Variants in TRAP1 observed in about 807,000 individuals in gnomAD.
The protein encoded by TRAP1 is heat shock protein 75 kDa, mitochondrial.
Under a neutral mutation model 89.1 loss-of-function variants are expected in TRAP1, and 102 were observed. The observed-to-expected ratio is 1.15, with a 90% CI of 0.98 to 1.35. TRAP1 has a LOEUF of 1.35. TRAP1 is among the 40% of genes most tolerant of loss of function. The pLI is 0.00. For synonymous variants in TRAP1, 508 were observed against 388.0 expected, an observed-to-expected ratio of 1.31 and a Z score of -3.64; for missense variants, 1,256 against 945.3, an observed-to-expected ratio of 1.33 and a Z score of -4.31.
At position 3,706,050 on chromosome 16, in the gene TRAP1, G is replaced by A. The variant is rs926636672; in HGVS notation, c.88+11371C>T. ...CTCACTCTGCAGTGGTGTAATCTCC[G>A]CTCACTGCAACCTCCAATTCCCAGG... On this transcript the variant is annotated intron_variant, in intron 1 of 17. Transcript: ENST00000246957. 6.1e-5 allele frequency among the ~76,000 whole-genome samples: 9 copies of A among 148,418 alleles called. No individual in the cohort carries two copies. The East Asian group carries it at 1.6e-3, about 26-fold the overall frequency.
chr16:3,715,570 G>A (rs868845624), intron 1 of TRAP1, among the ~76,000 whole-genome samples: 52 of 152,162 alleles, frequency 3.4e-4, no homozygotes, highest in African/African-American at 1.2e-3. Context: ...GTGGACGCGA[G>A]ACCACAAACG....
At chr16:3,717,097 T>A (rs2051607574) in intron 1 of TRAP1, among the ~76,000 whole-genome samples, 1 of 152,220 alleles carries the variant, frequency 6.6e-6, no homozygotes, top group Non-Finnish European at 1.5e-5. Context: ...CGGCTCCACC[T>A]GCACGTGCGC....
chr16:3,685,556 C>T (rs1416410163), intron 4 of TRAP1, among the ~76,000 whole-genome samples: 1 of 152,082 alleles, frequency 6.6e-6, no homozygotes, highest in Non-Finnish European at 1.5e-5. Context: ...TCTCTCAGGG[C>T]CCCTACCTGA....
chr16:3,697,440 G>A (rs545260325), intron 1 of TRAP1, among the ~76,000 whole-genome samples: 2 of 152,056 alleles, frequency 1.3e-5, no homozygotes, highest in South Asian at 2.1e-4. Flanking sequence ...CGAGGCGGGA[G>A]GATCACGAGG....
chr16:3,676,114 C>T lies in TRAP1; in HGVS notation c.736G>A (p.Gly246Arg). The T allele has an allele frequency of 6.2e-7, 1 of 1,613,916 alleles. No homozygotes were observed. The highest frequency in any genetic ancestry group is 8.5e-7 in the Non-Finnish European group (1 of 1,179,920). Residue 246 changes from glycine (G) to arginine (R), a missense_variant, in exon 7 of 18, where the codon GGA becomes AGA. Transcript: ENST00000246957. Reference protein sequence around the residue: ...SGVFEIAEASGVRTGTKIIIH... With the variant: ...SGVFEIAEASRVRTGTKIIIH... ...ATGATTTTTGTCCCGGTTCTAACTCCCGAAGCTTCGGCGATTTCAAACACT... is the reference window on the plus strand; with the variant it reads ...ATGATTTTTGTCCCGGTTCTAACTCTCGAAGCTTCGGCGATTTCAAACACT...
intron 2 of TRAP1, among the ~76,000 whole-genome samples, chr16:3,690,375 TCTTTTTAACTTCAAAGATTCTA>T (rs2051197022): frequency 6.6e-6 from 1 of 152,182 alleles, no homozygotes; most frequent in African/African-American, 2.4e-5. Context: ...ACCTCACTTC[TCTTTTTAACTTCAAAGATTCTA>T]CTCTTGTCGA....
chr16:3,660,737 G>T (rs2043025248), intron 16 of TRAP1: 1 of 152,060 alleles, frequency 6.6e-6, no homozygotes, highest in South Asian at 2.1e-4. Flanking sequence ...AATGACAAAA[G>T]AAAAAAACTA....
At chr16:3,694,886 C>G (rs557259033) in intron 1 of TRAP1, among the ~76,000 whole-genome samples, 2 of 152,272 alleles carry the variant, frequency 1.3e-5, no homozygotes, top group Non-Finnish European at 2.9e-5. Flanking sequence ...GTCCTGGAAG[C>G]AAGAAGTCCA....
chr16:3,658,220 T>G lies in TRAP1; in HGVS notation c.2024A>C (p.Asn675Thr). 3 of 1,613,600 alleles carry G rather than the reference T, an allele frequency of 1.9e-6. No homozygotes were observed. Among genetic ancestry groups the G allele is most frequent in the Non-Finnish European group, 2.5e-6 (3 of 1,179,852 alleles). ...AACAAGTCCAGCAGCAATCATGGCG[T>G]TCTCGTATATCTGAAAGGCAAGAGG... Reference protein sequence around the residue: ...AQLLVDQIYENAMIAAGLVDD... With the variant: ...AQLLVDQIYETAMIAAGLVDD... Residue 675 changes from asparagine to threonine, a missense_variant, in exon 18 of 18, where the codon AAC becomes ACC. Physicochemically the swap from Asn to Thr is moderately conservative, Grantham distance 65 (BLOSUM62 0). Coordinates refer to ENST00000246957, the MANE Select transcript of TRAP1 (RefSeq NM_016292.3).
chr16:3,712,963 T>C (rs2051551734), intron 1 of TRAP1, among the ~76,000 whole-genome samples: 1 of 152,172 alleles, frequency 6.6e-6, no homozygotes, highest in African/African-American at 2.4e-5. Flanking sequence ...CCCTTGGTCC[T>C]AACTAAGCTG....
intron 1 of TRAP1, among the ~76,000 whole-genome samples, chr16:3,709,799 C>T (rs1194872218): frequency 6.6e-6 from 1 of 152,068 alleles, no homozygotes; most frequent in Admixed American, 6.6e-5. Flanking sequence ...TACAGGCATG[C>T]GCCACCACGC....
chr16:3,683,223 A>C (rs2051096010), intron 4 of TRAP1, among the ~76,000 whole-genome samples: 1 of 152,068 alleles, frequency 6.6e-6, no homozygotes, highest in South Asian at 2.1e-4. Context: ...AGAAACTGTC[A>C]CAGCCAAGAG....
At chr16:3,663,775 TAAAGA>T in intron 13 of TRAP1, 1 of 592,858 alleles carries the variant, frequency 1.7e-6, no homozygotes, top group South Asian at 2.1e-5. Context: ...ACTCCACGCA[TAAAGA>T]AATCCACATG....
At position 3,658,860 on chromosome 16, in the gene TRAP1, G is replaced by A. The variant is rs147353660; in HGVS notation, c.1946C>T (p.Ala649Val). The A allele has an allele frequency of 1.0e-3, 1,653 of 1,614,008 alleles. 6 individuals carry two copies. The highest frequency in any genetic ancestry group is 1.8e-3 in the Middle Eastern group (11 of 6,062). Residue 649 changes from alanine (A) to valine (V), a missense_variant, in exon 17 of 18, where the codon GCG becomes GTG. Physicochemically the swap from Ala to Val is moderately conservative, Grantham distance 64. Coordinates refer to ENST00000246957, the MANE Select transcript of TRAP1 (RefSeq NM_016292.3). ...QPTLEINPRH[A>V]LIKKLNQLRA... Reference sequence around the variant, plus strand: ...CAGCTGATTCAGCTTCTTGATGAGCGCGTGCCTGCAACACAGAACCCACCA... The same window carrying A: ...CAGCTGATTCAGCTTCTTGATGAGCACGTGCCTGCAACACAGAACCCACCA...
chr16:3,682,274 G>C (rs760601975), intron 4 of TRAP1, among the ~76,000 whole-genome samples: 1 of 150,586 alleles, frequency 6.6e-6, no homozygotes, highest in African/African-American at 2.4e-5. Flanking sequence ...CATAGGGCTG[G>C]ACACAACAGC....
chr16:3,670,073 GAATTC>G (rs1417045304), intron 11 of TRAP1, among the ~76,000 whole-genome samples: 1 of 151,768 alleles, frequency 6.6e-6, no homozygotes, highest in Non-Finnish European at 1.5e-5. Flanking sequence ...TAAGCAATAT[GAATTC>G]AATTGCATGA....
chr16:3,698,625 A>C (rs2051323176), intron 1 of TRAP1, among the ~76,000 whole-genome samples: 1 of 149,758 alleles, frequency 6.7e-6, no homozygotes, highest in South Asian at 2.2e-4. Context: ...TTAATCACTA[A>C]CTCAGGTGCA....
chr16:3,675,571 C>T lies in TRAP1; in HGVS notation c.815-174G>A, dbSNP rs1014345298. Among the ~76,000 whole-genome samples the T allele has an allele frequency of 9.9e-5, 15 of 152,178 alleles. 1 individual carries two copies. The highest frequency in any genetic ancestry group is 2.1e-4 in the South Asian group (1 of 4,828). On this transcript the variant is annotated intron_variant, in intron 7 of 17. Coordinates refer to ENST00000246957, the MANE Select transcript of TRAP1 (RefSeq NM_016292.3). ...GACACCTGTCCTCCCCCCAGTCTCA[C>T]GGGGGCAGCAGCGGAGCCCACGTGA...
At chr16:3,674,813 C>T (rs1378234178) in intron 8 of TRAP1, 12 of 412,014 alleles carry the variant, frequency 2.9e-5, no homozygotes, top group African/African-American at 1.0e-4. Context: ...GCCGTGAGAG[C>T]GATGACGACC....
Sources: gnomAD v4.1 joint callset for allele counts (sites outside exome capture counted in the v4.1 genomes callset) on GRCh38, gnomAD v4.1.1 for gene constraint, MANE v1.5 for transcripts, NCBI Gene and HGNC (gene_info 2026-07-23, HGNC 2026-07-21) for gene names.